Variants in PTER observed in about 807,000 individuals in gnomAD.
PTER encodes phosphotriesterase related.
PTER carries 38 observed loss-of-function variants against 29.6 expected under a neutral mutation model. The ratio of observed to expected loss-of-function variants is 1.28; its 90% CI spans 0.99 to 1.68. The LOEUF (loss-of-function observed/expected upper bound fraction) is 1.68. Ranked by LOEUF, PTER falls within the 40% of genes most tolerant of loss-of-function variation. The pLI is 0.00. For synonymous variants in PTER, 172 were observed against 154.5 expected (o/e 1.11, Z -0.84); for missense variants, 482 against 427.8 (o/e 1.13, Z -1.12).
intron 1 of PTER, among the ~76,000 whole-genome samples, chr10:16,438,924 A>AAC (rs1833753316): frequency 6.9e-6 from 1 of 145,826 alleles, no homozygotes; most frequent in African/African-American, 2.8e-5. Context: ...CTGTCTCAAA[A>AAC]AAAAAAAAAA....
intron 1 of PTER, among the ~76,000 whole-genome samples, chr10:16,479,129 C>T (rs1457772191): frequency 6.6e-6 from 1 of 151,664 alleles, no homozygotes; most frequent in African/African-American, 2.4e-5. Context: ...CCAACATTTT[C>T]CTCCAACGAC....
intron 1 of PTER, among the ~76,000 whole-genome samples, chr10:16,468,863 T>C (rs1167058555): frequency 6.6e-6 from 1 of 151,924 alleles, no homozygotes. Context: ...TAGTCCCAAC[T>C]ACTCAGGAGG....
At chr10:16,467,277 T>C (rs1361402087) in intron 1 of PTER, among the ~76,000 whole-genome samples, 1 of 152,212 alleles carries the variant, frequency 6.6e-6, no homozygotes, top group Admixed American at 6.5e-5. Context: ...TGCTAATCTT[T>C]TACTGTGCCT....
intron 1 of PTER, among the ~76,000 whole-genome samples, chr10:16,483,494 C>T (rs1199923497): frequency 6.6e-6 from 1 of 152,098 alleles, no homozygotes; most frequent in Non-Finnish European, 1.5e-5. Context: ...GCTCTAATTT[C>T]TGACACATCA....
intron 1 of PTER, among the ~76,000 whole-genome samples, chr10:16,446,623 A>G (rs887077761): frequency 7.9e-5 from 12 of 152,182 alleles, no homozygotes; most frequent in Admixed American, 7.2e-4. Flanking sequence ...TATATATATT[A>G]AAGAACATAT....
chr10:16,460,509 G>A (rs1834573468), intron 1 of PTER, among the ~76,000 whole-genome samples: 2 of 152,014 alleles, frequency 1.3e-5, no homozygotes, highest in Admixed American at 1.3e-4. Flanking sequence ...TAATTGAAAT[G>A]CAAATATTTT....
chr10:16,482,204 C>T (rs532126125), intron 1 of PTER, among the ~76,000 whole-genome samples: 1 of 152,290 alleles, frequency 6.6e-6, no homozygotes, highest in South Asian at 2.1e-4. Flanking sequence ...GCCAATATAT[C>T]GCAAACACCT....
intron 1 of PTER, among the ~76,000 whole-genome samples, chr10:16,439,489 A>G (rs1833773301): frequency 6.6e-6 from 1 of 152,216 alleles, no homozygotes; most frequent in Non-Finnish European, 1.5e-5. Flanking sequence ...GGACTTGGCC[A>G]TAGGATCCCT....
chr10:16,464,129 G>C (rs577568238), intron 1 of PTER, among the ~76,000 whole-genome samples: 1 of 152,244 alleles, frequency 6.6e-6, no homozygotes. Flanking sequence ...TAACACTTCT[G>C]ATCTTCCATA....
chr10:16,507,384 A>T (rs974379803), intron 4 of PTER, among the ~76,000 whole-genome samples: 1 of 152,068 alleles, frequency 6.6e-6, no homozygotes, highest in Admixed American at 6.5e-5. Flanking sequence ...TCCCTATGAT[A>T]ACAAGAACTA....
At chr10:16,496,295 C>T (rs1394247654) in intron 3 of PTER, among the ~76,000 whole-genome samples, 1 of 152,208 alleles carries the variant, frequency 6.6e-6, no homozygotes, top group Admixed American at 6.5e-5. Context: ...TAAAAGCCTC[C>T]AATGGGTCAC....
intron 3 of PTER, among the ~76,000 whole-genome samples, chr10:16,499,383 A>C (rs931627080): frequency 6.6e-6 from 1 of 152,138 alleles, no homozygotes; most frequent in African/African-American, 2.4e-5. Context: ...GTCAATAAGA[A>C]GAATTTAAAG....
chr10:16,486,652 C>G, intron 3 of PTER, 35 bp downstream of exon 3: 1 of 1,574,154 alleles, frequency 6.4e-7, no homozygotes, highest in Non-Finnish European at 8.6e-7. Flanking sequence ...ATGCAAACTG[C>G]CATATAATTA....
intron 1 of PTER, among the ~76,000 whole-genome samples, chr10:16,479,331 A>G (rs1044986195): frequency 2.0e-5 from 3 of 152,164 alleles, no homozygotes; most frequent in Admixed American, 1.3e-4. Flanking sequence ...GGGCCATTAC[A>G]CCATAAATAG....
intron 1 of PTER, among the ~76,000 whole-genome samples, chr10:16,462,863 G>T (rs1391758072): frequency 6.6e-6 from 1 of 151,218 alleles, no homozygotes; most frequent in Non-Finnish European, 1.5e-5. Context: ...GAGCCACCAT[G>T]CCCGGCCACA....
chr10:16,451,087 G>A (rs6602115), intron 1 of PTER, among the ~76,000 whole-genome samples: 88,202 of 151,978 alleles, frequency 0.58, 26,991 homozygotes, highest in African/African-American at 0.78. Context: ...CTGGTAAACC[G>A]CTGGTGTAAG....
In PTER at chr10:16,486,582, A is replaced by G. The variant is rs1835709662; in HGVS notation, c.663A>G (p.Ala221=). ...QIIRILQEAG[A]DISKTVMSHL... is the part of the protein sequence containing the mutation. ...TCCGAATATTGCAAGAAGCAGGCGCAGACATCTCCAAAACAGTCATGTCAC... is the reference window on the plus strand; with the variant it reads ...TCCGAATATTGCAAGAAGCAGGCGCGGACATCTCCAAAACAGTCATGTCAC... The change falls in exon 3 of 5, where the codon GCA becomes GCG. Residue 221 remains alanine, a synonymous_variant. Transcript: ENST00000535784. 6.2e-7 allele frequency: 1 copy of G among 1,613,934 alleles called. No homozygotes were observed. The highest frequency in any genetic ancestry group is 2.2e-5 in the East Asian group (1 of 44,872).
intron 1 of PTER, among the ~76,000 whole-genome samples, chr10:16,477,289 T>TAGATAGAC (rs898533246): frequency 4.2e-5 from 6 of 142,178 alleles, no homozygotes; most frequent in African/African-American, 1.8e-4. Context: ...GATAGATAGA[T>TAGATAGAC]AGATAGATAG....
intron 1 of PTER, among the ~76,000 whole-genome samples, chr10:16,437,765 C>T (rs1267449647): frequency 6.6e-6 from 1 of 152,176 alleles, no homozygotes; most frequent in African/African-American, 2.4e-5. Context: ...AATTAGGCCA[C>T]ACTGCTGGAA....
Sources: gnomAD v4.1 joint callset for allele counts (sites outside exome capture counted in the v4.1 genomes callset) on GRCh38, gnomAD v4.1.1 for gene constraint, MANE v1.5 for transcripts, NCBI Gene and HGNC (gene_info 2026-07-23, HGNC 2026-07-21) for gene names.